DVL1: variants seen among roughly 807,000 people sequenced by gnomAD.
DVL1 encodes dishevelled segment polarity protein 1.
DVL1 carries 49 observed loss-of-function variants against 65.0 expected under a neutral mutation model. That is an observed-to-expected ratio of 0.75 (90% CI 0.60 to 0.96). The LOEUF (loss-of-function observed/expected upper bound fraction) is 0.96, where lower values mean the gene tolerates loss of function less well. DVL1 is among the 40% of genes least tolerant of loss of function. The pLI, the probability that DVL1 is intolerant of heterozygous loss-of-function variation, is 0.00. For missense variants in DVL1, 1,197 were observed against 1,045.4 expected, an observed-to-expected ratio of 1.15 and a Z score of -2.00; for synonymous variants, 608 against 433.9, an observed-to-expected ratio of 1.40 and a Z score of -4.99.
intron 5 of DVL1, 46 bp from the exon 6 acceptor site, chr1:1,340,549 G>T: frequency 1.9e-6 from 3 of 1,552,552 alleles, no homozygotes; most frequent in Non-Finnish European, 2.6e-6. Context: ...GACATGGGTA[G>T]GGGGGTGGGA....
At chr1:1,336,605 G>C in intron 14 of DVL1, 90 bp from the exon 15 acceptor site, 1 of 1,445,894 alleles carries the variant, frequency 6.9e-7, no homozygotes, top group Non-Finnish European at 9.0e-7. Context: ...GACCGGGCAG[G>C]AACGGTGGCC....
chr1:1,345,438 A>G (rs1371478521), intron 1 of DVL1, among the ~76,000 whole-genome samples: 2 of 152,170 alleles, frequency 1.3e-5, no homozygotes, highest in Non-Finnish European at 2.9e-5. Context: ...CACCCCAGCC[A>G]GATGGGGGAG....
intron 1 of DVL1, 114 bp downstream of exon 1, chr1:1,348,782 C>G: frequency 3.2e-6 from 3 of 932,966 alleles, no homozygotes; most frequent in Non-Finnish European, 4.1e-6. Context: ...AGGCGCGTCG[C>G]GGTCGCAGGT....
At chr1:1,348,014 C>T (rs988714292) in intron 1 of DVL1, among the ~76,000 whole-genome samples, 4 of 152,204 alleles carry the variant, frequency 2.6e-5, no homozygotes, top group East Asian at 3.8e-4. Context: ...TCCCAAGAAG[C>T]GGCCACACAC....
At chr1:1,341,910 C>T in intron 4 of DVL1, 105 bp from the exon 5 acceptor site, 1 of 1,472,954 alleles carries the variant, frequency 6.8e-7, no homozygotes, top group Non-Finnish European at 9.1e-7. Context: ...GAGCTGGCAG[C>T]TCAACTGTAG....
At position 1,338,468 on chromosome 1, in the gene DVL1, C is replaced by G. The variant is rs199890964; in HGVS notation, c.1340-32G>C. 136 of 1,608,722 alleles carry G rather than the reference C, an allele frequency of 8.5e-5. No individual in the cohort carries two copies. The African/African-American group carries it at 1.7e-3, about 20-fold the overall frequency. ...GGCACCAGCGGTCAGCCCGCAGCCTCGAGGCAAGCAGCCCTGCCCCTGGCA... is the reference window on the plus strand; with the variant it reads ...GGCACCAGCGGTCAGCCCGCAGCCTGGAGGCAAGCAGCCCTGCCCCTGGCA... On this transcript the variant is annotated intron_variant, in intron 12 of 14. Coordinates refer to ENST00000378888, the MANE Select transcript of DVL1 (RefSeq NM_001330311.2).
chr1:1,340,891 GCACA>G (rs1643783497), intron 5 of DVL1, among the ~76,000 whole-genome samples: 1 of 130,012 alleles, frequency 7.7e-6, no homozygotes, highest in Admixed American at 8.1e-5. Flanking sequence ...GCACACCCCT[GCACA>G]CGCACGCATG....
At chr1:1,342,233 G>A (rs909609987) in intron 3 of DVL1, 77 bp from the exon 4 acceptor site, 121 of 1,500,582 alleles carry the variant, frequency 8.1e-5, no homozygotes, top group East Asian at 1.2e-4. Context: ...GCCTCCCCTC[G>A]CCTGTGGGAC....
In DVL1 at chr1:1,349,146, G is replaced by C. The variant is rs1643976466; in HGVS notation, c.-81C>G. 4.7e-6 allele frequency: 4 copies of C among 855,556 alleles called. No individual in the cohort carries two copies. The highest frequency in any genetic ancestry group is 1.3e-4 in the Admixed American group (2 of 15,648). The allele number at this position is 855,556 out of a possible 1,614,324, so 53.0% of individuals were successfully genotyped here. A position where few individuals can be genotyped will look rare whatever the true frequency, so the allele number is the denominator to read the frequency against. ...CGGGGCGCTACCCGCCCGCCCGCCT[G>C]CGCCCCGCCCGGCCCGCACCGCTCT... is the stretch of plus-strand genomic sequence containing the variant. On this transcript the variant is annotated 5_prime_UTR_variant, in exon 1 of 15. Transcript: ENST00000378888. The surrounding 1 kb of genome is among the most constrained non-coding windows in gnomAD (Gnocchi z 4.1).
intron 1 of DVL1, among the ~76,000 whole-genome samples, chr1:1,348,152 A>G (rs533771954): frequency 6.6e-6 from 1 of 152,200 alleles, no homozygotes; most frequent in East Asian, 1.9e-4. Context: ...GGCCTCAAGC[A>G]GACCGCCAGG....
At position 1,338,188 on chromosome 1, in the gene DVL1, C is replaced by G. The variant is rs745945473; in HGVS notation, c.1508-5G>C. The G allele has an allele frequency of 2.5e-6, 4 of 1,599,246 alleles. No homozygotes were observed. In the South Asian group the frequency reaches 4.5e-5, roughly 18 times the overall value. On this transcript the variant is annotated splice_polypyrimidine_tract_variant and splice_region_variant and intron_variant, in intron 13 of 14. Transcript: ENST00000378888. ...TGAGGTTCAGGGTGGCGAGATCTGG[C>G]GGGGGAGGGTAGGTGAGGGCCGCGG...
chr1:1,340,372 G>A (rs776732010), intron 6 of DVL1, 38 bp downstream of exon 6: 52 of 1,612,828 alleles, frequency 3.2e-5, no homozygotes, highest in East Asian at 4.5e-5. Context: ...CACTGACTTC[G>A]CCTCCCCAGC....
At chr1:1,341,580 A>T in intron 5 of DVL1, 87 bp downstream of exon 5, 6 of 1,418,756 alleles carry the variant, frequency 4.2e-6, no homozygotes, top group Non-Finnish European at 5.6e-6. Flanking sequence ...GCAATGTGAA[A>T]ACACCTCATG....
At chr1:1,341,224 CAT>C (rs1177783123) in intron 5 of DVL1, among the ~76,000 whole-genome samples, 1 of 151,984 alleles carries the variant, frequency 6.6e-6, no homozygotes, top group African/African-American at 2.4e-5. Flanking sequence ...CACACGCACA[CAT>C]GCACACACCT....
At chr1:1,339,849 G>A (rs199505888) in intron 8 of DVL1, 37 bp from the exon 9 acceptor site, 35 of 1,480,524 alleles carry the variant, frequency 2.4e-5, no homozygotes, top group Non-Finnish European at 3.1e-5. Context: ...CAGGCAGGAT[G>A]TGCAGCTCAG....
Position 1,341,691 on chromosome 1 carries a change from G to C in DVL1, c.581C>G (p.Ser194Trp). 6.2e-7 allele frequency: 1 copy of C among 1,608,914 alleles called. No homozygotes were observed. The highest frequency in any genetic ancestry group is 1.1e-5 in the South Asian group (1 of 90,920). The stretch of plus-strand genomic sequence containing the variant: ...CCTGCTCGTGCTGCCATCCTCGTCC[G>C]AGTCCACAAAGCTGCTGGACTCAAG... ...SELESSSFVD[S>W]DEDGSTSRLS... The change falls in exon 5 of 15, where the codon TCG becomes TGG. Residue 194 changes from serine to tryptophan, a missense_variant. By Grantham distance (177) the Ser-to-Trp change is radical (BLOSUM62 -3). Transcript: ENST00000378888.
intron 3 of DVL1, 29 bp downstream of exon 3, chr1:1,342,334 G>A (rs761665838): frequency 1.3e-6 from 2 of 1,545,220 alleles, no homozygotes; most frequent in Admixed American, 1.9e-5. Context: ...GCTTGGGGTA[G>A]CAGGGCCCAG....
At chr1:1,345,655 C>T (rs1158770367) in intron 1 of DVL1, among the ~76,000 whole-genome samples, 1 of 152,156 alleles carries the variant, frequency 6.6e-6, no homozygotes, top group Non-Finnish European at 1.5e-5. Flanking sequence ...TCAGAGGCAG[C>T]GCCCTGGGAG....
At position 1,339,302 on chromosome 1, in the gene DVL1, C is replaced by T. The variant is rs1017670985; in HGVS notation, c.1192G>A (p.Val398Met). 14 of 1,548,544 alleles carry T rather than the reference C, an allele frequency of 9.0e-6. No homozygotes were observed. Among genetic ancestry groups the T allele is most frequent in the South Asian group, 1.2e-5 (1 of 83,978 alleles). ...RTSSSSLTSS[V>M]PGAPQLEEAP... ...TGCCACTTACGTGGAGCACCAGGCA[C>T]GGAGCTGGTTAGTGAGGAGGAGCTG... The change falls in exon 11 of 15, where the codon GTG becomes ATG. Residue 398 changes from valine (V) to methionine (M), a missense_variant. By Grantham distance (21) the Val-to-Met change is conservative (BLOSUM62 1). Coordinates refer to ENST00000378888, the MANE Select transcript of DVL1 (RefSeq NM_001330311.2).
Sources: gnomAD v4.1 joint callset for allele counts (sites outside exome capture counted in the v4.1 genomes callset) on GRCh38, gnomAD v4.1.1 for gene constraint, Gnocchi (gnomAD v3.1) non-coding constraint, MANE v1.5 for transcripts, NCBI Gene and HGNC (gene_info 2026-07-23, HGNC 2026-07-21) for gene names.